Variants in LINGO2 observed in about 807,000 individuals in gnomAD.
The protein encoded by LINGO2 is leucine-rich repeat and immunoglobulin-like domain-containing nogo receptor-interacting protein 2.
LINGO2 carries 14 observed loss-of-function variants against 30.6 expected under a neutral mutation model. The observed-to-expected ratio is 0.46, with a 90% CI of 0.30 to 0.72. The LOEUF (loss-of-function observed/expected upper bound fraction) is 0.72, where lower values mean the gene tolerates loss of function less well. Among genes scored for constraint, LINGO2 ranks in the 30% least tolerant of loss-of-function variants. The probability of loss-of-function intolerance (pLI) is 0.07; values close to 1 mark genes in which losing one functional copy is unlikely to be tolerated. For missense variants in LINGO2, 729 were observed against 751.7 expected (o/e 0.97, Z 0.35); for synonymous variants, 317 against 288.5 (o/e 1.10, Z -1.00).
chr9:28,621,212 A>G (rs1440153765), intron 1 of LINGO2, among the ~76,000 whole-genome samples: 1 of 152,118 alleles, frequency 6.6e-6, no homozygotes, highest in Non-Finnish European at 1.5e-5. Context: ...GTACATAGAT[A>G]GGAATAACAA....
chr9:28,651,196 GA>G (rs974163652), intron 1 of LINGO2, among the ~76,000 whole-genome samples: 1 of 148,058 alleles, frequency 6.8e-6, no homozygotes, highest in African/African-American at 2.5e-5. Flanking sequence ...AAAAAAAAAA[GA>G]AAATTATGGG....
chr9:28,023,424 T>C (rs1197917), intron 4 of LINGO2, among the ~76,000 whole-genome samples: 149,979 of 152,298 alleles, frequency 0.98, 73,872 homozygotes, highest in Middle Eastern at 1. Flanking sequence ...GTAGAATCTA[T>C]GCCTGGCAGT....
chr9:29,025,936 C>T, the LINGO2 span, among the ~76,000 whole-genome samples: 1 of 152,042 alleles, frequency 6.6e-6, no homozygotes, highest in African/African-American at 2.4e-5. Context: ...AAAATGTCTC[C>T]CAGGTTAATC....
the LINGO2 span, among the ~76,000 whole-genome samples, chr9:29,155,196 A>C: frequency 1.3e-5 from 2 of 152,268 alleles, no homozygotes; most frequent in African/African-American, 2.4e-5. Context: ...AATGCCCTTA[A>C]GGTTTTCACA....
the LINGO2 span, among the ~76,000 whole-genome samples, chr9:28,837,349 T>G: frequency 6.6e-6 from 1 of 151,908 alleles, no homozygotes; most frequent in East Asian, 2.0e-4. Context: ...AAGTAACTAT[T>G]AGAAATATTG....
the LINGO2 span, among the ~76,000 whole-genome samples, chr9:28,901,311 C>T: frequency 6.6e-6 from 1 of 152,008 alleles, no homozygotes; most frequent in Non-Finnish European, 1.5e-5. Context: ...ACATGAAATA[C>T]TCAAAGTAGT....
chr9:29,196,179 G>T, the LINGO2 span, among the ~76,000 whole-genome samples: 1 of 152,012 alleles, frequency 6.6e-6, no homozygotes, highest in Admixed American at 6.6e-5. Context: ...GTGACTAGCT[G>T]CTGTCAAGAA....
chr9:29,051,724 T>C, the LINGO2 span, among the ~76,000 whole-genome samples: 2 of 152,128 alleles, frequency 1.3e-5, no homozygotes, highest in Non-Finnish European at 2.9e-5. Context: ...ATTTCTCATA[T>C]CTCAAACATA....
chr9:29,056,376 T>G, the LINGO2 span, among the ~76,000 whole-genome samples: 1 of 152,216 alleles, frequency 6.6e-6, no homozygotes, highest in East Asian at 1.9e-4. Flanking sequence ...ACATATTTGT[T>G]GGCCATTTGC....
At chr9:28,292,180 G>A (rs551991892) in intron 4 of LINGO2, among the ~76,000 whole-genome samples, 4 of 152,174 alleles carry the variant, frequency 2.6e-5, no homozygotes, top group African/African-American at 4.8e-5. Flanking sequence ...GGACAGCAGA[G>A]TGTGATCGGG....
chr9:28,848,057 A>AC, the LINGO2 span, among the ~76,000 whole-genome samples: 2 of 11,954 alleles, frequency 1.7e-4, no homozygotes, highest in African/African-American at 3.4e-4. Flanking sequence ...ATATATATAT[A>AC]TATATGTATA....
At chr9:28,376,003 G>T (rs1373868021) in intron 2 of LINGO2, among the ~76,000 whole-genome samples, 1 of 152,010 alleles carries the variant, frequency 6.6e-6, no homozygotes, top group African/African-American at 2.4e-5. Flanking sequence ...ATCAGGATCT[G>T]ATATGGCTGC....
At position 28,149,216 on chromosome 9, in the gene LINGO2, C is replaced by G. The variant is rs1253172113; in HGVS notation, c.-86-136811G>C. ...GAGAAAGAAGAGATGGTAGGGCAGGCGTGGTGGCCCACGCCTGTAATCAAG... is the reference window on the plus strand; with the variant it reads ...GAGAAAGAAGAGATGGTAGGGCAGGGGTGGTGGCCCACGCCTGTAATCAAG... On this transcript the variant is annotated intron_variant, in intron 4 of 5. Coordinates refer to ENST00000379992, the Ensembl canonical transcript of LINGO2. 8 of 1,090,422 alleles carry G rather than the reference C, an allele frequency of 7.3e-6. No individual in the cohort carries two copies. In the Admixed American group the frequency reaches 1.7e-4, roughly 23 times the overall value. The allele number at this position is 1,090,422 out of a possible 1,614,324, so 67.5% of individuals were successfully genotyped here.
At chr9:28,143,599 T>A (rs2133507556) in intron 4 of LINGO2, among the ~76,000 whole-genome samples, 1 of 152,210 alleles carries the variant, frequency 6.6e-6, no homozygotes, top group East Asian at 1.9e-4. Flanking sequence ...ACCTTTTTAA[T>A]ATGGACTGGA....
Position 28,148,813 on chromosome 9 carries a change from G to T in LINGO2, c.-86-136408C>A, listed in dbSNP as rs968746733. ...GCTGCTCCCTGTGGCCAGAGAAGGC[G>T]GCCTTGAAGGTGCTGGGTAAAGACC... On this transcript the variant is annotated intron_variant, in intron 4 of 5. Transcript: ENST00000379992. This position sits in a 1 kb window ranked among gnomAD's most constrained non-coding sequence, Gnocchi z 5.1. The T allele has an allele frequency of 6.5e-7, 1 of 1,533,750 alleles. No individual in the cohort carries two copies. Among genetic ancestry groups the T allele is most frequent in the African/African-American group, 1.4e-5 (1 of 72,964 alleles).
At chr9:28,758,409 T>C in the LINGO2 span, among the ~76,000 whole-genome samples, 2 of 152,096 alleles carry the variant, frequency 1.3e-5, no homozygotes, top group African/African-American at 4.8e-5. Context: ...CTGAAATAAG[T>C]GTTAATTTCT....
intron 4 of LINGO2, among the ~76,000 whole-genome samples, chr9:28,181,283 A>C (rs1032984570): frequency 6.6e-6 from 1 of 152,212 alleles, no homozygotes; most frequent in Non-Finnish European, 1.5e-5. Flanking sequence ...GTATTCATTG[A>C]CTGAGCAGAA....
intron 1 of LINGO2, among the ~76,000 whole-genome samples, chr9:28,608,764 T>A (rs182964001): frequency 1.1e-4 from 17 of 152,134 alleles, no homozygotes; most frequent in Admixed American, 5.9e-4. Context: ...AACTTTTCCT[T>A]CGAACCATGG....
chr9:28,612,583 A>G (rs1240403355), intron 1 of LINGO2, among the ~76,000 whole-genome samples: 1 of 152,130 alleles, frequency 6.6e-6, no homozygotes, highest in Non-Finnish European at 1.5e-5. Context: ...TGGGGCTTGT[A>G]GACCCTTTGT....
Sources: gnomAD v4.1 joint callset for allele counts (sites outside exome capture counted in the v4.1 genomes callset) on GRCh38, gnomAD v4.1.1 for gene constraint, Gnocchi (gnomAD v3.1) non-coding constraint, MANE v1.5 for transcripts, NCBI Gene and HGNC (gene_info 2026-07-23, HGNC 2026-07-21) for gene names.